The following SBF2 variants were observed in gnomAD, a reference collection of about 807,000 sequenced individuals.
SBF2 encodes SET binding factor 2, also known as myotubularin-related protein 13.
A neutral mutation model predicts 225.2 loss-of-function variants in SBF2; 112 were observed. The ratio of observed to expected loss-of-function variants is 0.50; its 90% CI spans 0.43 to 0.58. The LOEUF is 0.58. SBF2 is among the 20% of genes least tolerant of loss of function. The probability of loss-of-function intolerance (pLI) is 0.00; values close to 1 mark genes in which losing one functional copy is unlikely to be tolerated. For synonymous variants in SBF2, 763 were observed against 773.3 expected, an observed-to-expected ratio of 0.99 and a Z score of 0.22; for missense variants, 1,996 against 2,206.2, an observed-to-expected ratio of 0.90 and a Z score of 1.91.
At chr11:9,781,453 C>T in intron 39 of SBF2, 54 bp downstream of exon 39, 1 of 1,611,398 alleles carries the variant, frequency 6.2e-7, no homozygotes, top group Non-Finnish European at 8.5e-7. Context: ...TTCTTGGAGA[C>T]AGACAGAATG....
At chr11:9,863,846 C>T (rs1857966403) in intron 17 of SBF2, among the ~76,000 whole-genome samples, 1 of 151,782 alleles carries the variant, frequency 6.6e-6, no homozygotes, top group South Asian at 2.1e-4. Flanking sequence ...CTAGAGGTAA[C>T]CATGATCATG....
intron 2 of SBF2, among the ~76,000 whole-genome samples, chr11:10,172,720 G>A (rs1373460059): frequency 6.6e-6 from 1 of 150,394 alleles, no homozygotes. Context: ...AGGCTGGAGT[G>A]CAGTGGCGCC....
At chr11:10,063,854 C>CAGAGAGAGAGAGAGAGAGAG (rs1213684004) in intron 2 of SBF2, among the ~76,000 whole-genome samples, 3 of 126,292 alleles carry the variant, frequency 2.4e-5, no homozygotes, top group Non-Finnish European at 5.1e-5. Context: ...CACACACACA[C>CAGAGAGAGAGAGAGAGAGAG]ACACAGAGAG....
intron 16 of SBF2, among the ~76,000 whole-genome samples, chr11:9,932,957 CAAAAAAAAAAAAAAAA>C (rs574177096): frequency 1.7e-5 from 1 of 58,742 alleles, no homozygotes; most frequent in Non-Finnish European, 2.7e-5. Context: ...AAACGAAAAG[CAAAAAAAAAAAAAAAA>C]AAAAAAAAAA....
At chr11:10,186,600 G>A (rs1476519490) in intron 2 of SBF2, among the ~76,000 whole-genome samples, 1 of 152,104 alleles carries the variant, frequency 6.6e-6, no homozygotes, top group Non-Finnish European at 1.5e-5. Flanking sequence ...TGTTATCTAG[G>A]GGTTTTAATG....
chr11:9,812,022 T>G (rs1854214069), intron 30 of SBF2, among the ~76,000 whole-genome samples: 1 of 152,090 alleles, frequency 6.6e-6, no homozygotes, highest in Admixed American at 6.5e-5. Context: ...AACTGAAAGA[T>G]GATAGACACT....
intron 2 of SBF2, among the ~76,000 whole-genome samples, chr11:10,073,313 T>C (rs1565199067): frequency 6.6e-6 from 1 of 152,174 alleles, no homozygotes; most frequent in Non-Finnish European, 1.5e-5. Flanking sequence ...ATTTTCATTT[T>C]AAAATTATTA....
At chr11:10,129,832 C>T (rs1055447475) in intron 2 of SBF2, among the ~76,000 whole-genome samples, 3 of 151,838 alleles carry the variant, frequency 2.0e-5, no homozygotes, top group Non-Finnish European at 4.4e-5. Flanking sequence ...AGCGAGACCC[C>T]CATCTCTAAA....
chr11:10,259,750 T>A (rs1275626937), intron 1 of SBF2, among the ~76,000 whole-genome samples: 14 of 152,104 alleles, frequency 9.2e-5, no homozygotes, highest in Admixed American at 9.2e-4. Flanking sequence ...ACATAACATA[T>A]TTTAAAGGGC....
intron 1 of SBF2, among the ~76,000 whole-genome samples, chr11:10,202,951 A>G (rs1957620741): frequency 6.6e-6 from 1 of 152,086 alleles, no homozygotes; most frequent in Non-Finnish European, 1.5e-5. Context: ...AGGACAGTGA[A>G]CCCAGAGAGA....
chr11:9,832,603 T>C (rs1301045812), intron 26 of SBF2, among the ~76,000 whole-genome samples, 183 bp from the exon 27 acceptor site: 1 of 152,110 alleles, frequency 6.6e-6, no homozygotes, highest in African/African-American at 2.4e-5. Flanking sequence ...TTTTCTTTTT[T>C]AATTTTATTT....
chr11:10,183,014 G>T (rs1027356178), intron 2 of SBF2, among the ~76,000 whole-genome samples: 13 of 151,806 alleles, frequency 8.6e-5, no homozygotes, highest in African/African-American at 3.1e-4. Flanking sequence ...TTTGTGATCC[G>T]CCCGCCTCGG....
intron 2 of SBF2, among the ~76,000 whole-genome samples, chr11:10,173,369 T>C (rs1215574291): frequency 1.3e-5 from 2 of 152,162 alleles, no homozygotes; most frequent in African/African-American, 4.8e-5. Context: ...GGTCAGGGAG[T>C]TCCCTTTCCT....
intron 1 of SBF2, among the ~76,000 whole-genome samples, chr11:10,293,691 A>G (rs1964318693): frequency 6.6e-6 from 1 of 152,094 alleles, no homozygotes; most frequent in African/African-American, 2.4e-5. Flanking sequence ...CCTGGGCCCA[A>G]TCTCAGGGCT....
chr11:9,955,161 A>G (rs999491558), intron 16 of SBF2, among the ~76,000 whole-genome samples: 1 of 152,028 alleles, frequency 6.6e-6, no homozygotes, highest in Non-Finnish European at 1.5e-5. Context: ...TAATGTAGTT[A>G]TATGTGTATG....
intron 1 of SBF2, among the ~76,000 whole-genome samples, chr11:10,240,302 C>A (rs899633512): frequency 6.7e-6 from 1 of 149,264 alleles, no homozygotes; most frequent in Non-Finnish European, 1.5e-5. Context: ...GGCTGTCTGG[C>A]CAAACAAAAT....
chr11:10,176,381 A>C (rs2135268617), intron 2 of SBF2, among the ~76,000 whole-genome samples: 1 of 152,188 alleles, frequency 6.6e-6, no homozygotes, highest in East Asian at 1.9e-4. Context: ...AAAACCCTTC[A>C]AAAAATTAAT....
chr11:10,245,305 A>C (rs756207962), intron 1 of SBF2, among the ~76,000 whole-genome samples: 2 of 150,778 alleles, frequency 1.3e-5, no homozygotes, highest in Non-Finnish European at 3.0e-5. Flanking sequence ...TCTACTCAAG[A>C]ACCCGAGTCA....
At chr11:9,920,525 T>G (rs1344765619) in intron 16 of SBF2, among the ~76,000 whole-genome samples, 1 of 152,176 alleles carries the variant, frequency 6.6e-6, no homozygotes, top group African/African-American at 2.4e-5. Context: ...GAACATATAC[T>G]TAAAGGAATT....
Sources: gnomAD v4.1 joint callset for allele counts (sites outside exome capture counted in the v4.1 genomes callset) on GRCh38, gnomAD v4.1.1 for gene constraint, MANE v1.5 for transcripts, NCBI Gene and HGNC (gene_info 2026-07-23, HGNC 2026-07-21) for gene names.